Variants in KIF2C observed in about 807,000 individuals in gnomAD.
KIF2C encodes kinesin family member 2C.
Under a neutral mutation model 97.4 loss-of-function variants are expected in KIF2C, and 34 were observed. The observed-to-expected ratio is 0.35, with a 90% confidence interval of 0.27 to 0.46. The LOEUF (loss-of-function observed/expected upper bound fraction) is 0.46, where lower values mean the gene tolerates loss of function less well. KIF2C is among the 20% of genes least tolerant of loss of function. The probability of loss-of-function intolerance (pLI) is 1.00; values close to 1 mark genes in which losing one functional copy is unlikely to be tolerated. For synonymous variants in KIF2C, 313 were observed against 318.2 expected (o/e 0.98, Z 0.17); for missense variants, 750 against 907.6 (o/e 0.83, Z 2.23).
intron 2 of KIF2C, among the ~76,000 whole-genome samples, chr1:44,745,246 G>A (rs1649124045): frequency 6.6e-6 from 1 of 151,754 alleles, no homozygotes; most frequent in Admixed American, 6.6e-5. Flanking sequence ...GTAGTTTAGG[G>A]GTTAGAAATG....
chr1:44,762,047 G>C (rs1650171731), intron 17 of KIF2C, 64 bp downstream of exon 17: 4 of 1,441,556 alleles, frequency 2.8e-6, no homozygotes, highest in Non-Finnish European at 3.9e-6. Flanking sequence ...GCAGTGATGA[G>C]AGGGGAGGAG....
At chr1:44,753,054 A>G in intron 5 of KIF2C, 78 bp from the exon 6 acceptor site, 1 of 1,531,838 alleles carries the variant, frequency 6.5e-7, no homozygotes, top group Non-Finnish European at 8.8e-7. Flanking sequence ...CTCCCGGCCC[A>G]TAACCAGGGC....
Position 44,753,271 on chromosome 1 carries a change from G to C in KIF2C, c.562+17G>C. The C allele has an allele frequency of 6.2e-7, 1 of 1,605,080 alleles. No individual in the cohort carries two copies. Among genetic ancestry groups the C allele is most frequent in the Non-Finnish European group, 8.5e-7 (1 of 1,173,432 alleles). On this transcript the variant is annotated intron_variant, in intron 6 of 20. Transcript: ENST00000372224. ...TGAACTCAGGTAGACACACTGAGCTGTCTGCTGTTCTGCTTCTAGTGAGGC... is the reference window on the plus strand; with the variant it reads ...TGAACTCAGGTAGACACACTGAGCTCTCTGCTGTTCTGCTTCTAGTGAGGC...
chr1:44,762,179 G>A (rs41269067), intron 17 of KIF2C, 167 bp from the exon 18 acceptor site: 1 of 848,998 alleles, frequency 1.2e-6, no homozygotes, highest in East Asian at 2.5e-5. Context: ...AGTCAGCTGG[G>A]TGAGGGGCTT....
chr1:44,766,865 C>T lies in KIF2C; in HGVS notation c.2011C>T (p.Gln671Ter). 1.2e-6 allele frequency: 2 copies of T among 1,614,234 alleles called. No homozygotes were observed. The highest frequency in any genetic ancestry group is 1.7e-6 in the Non-Finnish European group (2 of 1,180,022). Residue 671 changes from glutamine (Q) to a stop codon, truncating the protein, a stop_gained, in exon 20 of 21, where the codon CAG becomes TAG. Transcript: ENST00000372224. LOFTEE classifies it high-confidence loss of function. ...GCTTGAGCTCTCTGAGATGACCGAG[C>T]AGCCAGACTATGACCTGGAGACCTT... is the stretch of plus-strand genomic sequence containing the variant. The part of the protein sequence containing the change: ...DWLELSEMTE[Q>*]PDYDLETFVN...
chr1:44,750,645 GA>G, intron 5 of KIF2C, 81 bp downstream of exon 5: 2 of 1,332,116 alleles, frequency 1.5e-6, no homozygotes, highest in Non-Finnish European at 1.9e-6. Context: ...AATATCCTGA[GA>G]TTCATCCATT....
intron 7 of KIF2C, 125 bp downstream of exon 7, chr1:44,753,958 C>CTTT (rs34685023): frequency 0.011 from 717 of 67,886 alleles, 179 homozygotes; most frequent in African/African-American, 0.058. Context: ...GGCCCCAATT[C>CTTT]TTTTTTTTTT....
In KIF2C at chr1:44,753,789, G is replaced by C. The variant is rs1396730417; in HGVS notation, c.619G>C (p.Glu207Gln). Residue 207 changes from glutamate (E) to glutamine (Q), a missense_variant, in exon 7 of 21, where the codon GAG becomes CAG. Glu to Gln is a conservative substitution (Grantham distance 29, BLOSUM62 2). Coordinates refer to ENST00000372224, the MANE Select transcript of KIF2C (RefSeq NM_006845.4). The stretch of plus-strand genomic sequence containing the variant: ...GGAAAAAATGAAGAACAAGCGAGAA[G>C]AGAAGAAGGCCCAGAACTCTGAAAT... The part of the protein sequence containing the change: ...EVEKMKNKRE[E>Q]KKAQNSEMRM... 1 of 1,612,516 alleles carries C rather than the reference G, an allele frequency of 6.2e-7. No homozygotes were observed. Among genetic ancestry groups the C allele is most frequent in the African/African-American group, 1.3e-5 (1 of 74,650 alleles).
At chr1:44,750,300 C>G (rs1649439226) in intron 4 of KIF2C, 142 bp from the exon 5 acceptor site, 5 of 893,626 alleles carry the variant, frequency 5.6e-6, no homozygotes, top group Middle Eastern at 8.1e-4. Flanking sequence ...CTAATTTTTC[C>G]TTTCTAAGGA....
At chr1:44,766,099 G>A (rs752648005) in intron 19 of KIF2C, among the ~76,000 whole-genome samples, 4 of 149,836 alleles carry the variant, frequency 2.7e-5, no homozygotes, top group Non-Finnish European at 5.9e-5. Context: ...GGTGGTGTGT[G>A]CCTGTAGTCC....
At chr1:44,746,831 G>T (rs529977863) in intron 2 of KIF2C, 1 of 1,471,310 alleles carries the variant, frequency 6.8e-7, no homozygotes, top group South Asian at 1.2e-5. Flanking sequence ...AGTTGGTAAA[G>T]TTTGAATTTA....
At chr1:44,740,079 A>G in intron 1 of KIF2C, 77 bp downstream of exon 1, 1 of 1,510,114 alleles carries the variant, frequency 6.6e-7, no homozygotes, top group Non-Finnish European at 9.2e-7. Flanking sequence ...CCCCGGACAC[A>G]CAGATGGGCT....
chr1:44,746,909 G>C (rs1649229161), intron 2 of KIF2C: 15 of 900,460 alleles, frequency 1.7e-5, no homozygotes, highest in Non-Finnish European at 2.5e-5. Flanking sequence ...TTTGTTTTTT[G>C]TTTTTTGAGA....
chr1:44,748,968 C>T (rs761524864), intron 4 of KIF2C, among the ~76,000 whole-genome samples: 6 of 152,078 alleles, frequency 3.9e-5, no homozygotes, highest in Non-Finnish European at 8.8e-5. Context: ...GCACACACCA[C>T]CATGCCCAGC....
chr1:44,766,705 G>A (rs918165091), intron 19 of KIF2C, 121 bp from the exon 20 acceptor site: 48 of 1,036,508 alleles, frequency 4.6e-5, no homozygotes, highest in Non-Finnish European at 6.5e-5. Context: ...GAACAGCCAG[G>A]GTATGGGTCA....
At chr1:44,748,852 C>A (rs988909578) in intron 4 of KIF2C, among the ~76,000 whole-genome samples, 1 of 151,484 alleles carries the variant, frequency 6.6e-6, no homozygotes, top group African/African-American at 2.4e-5. Context: ...CAGCCAATAG[C>A]TTTTTTTCTT....
chr1:44,747,492 G>T lies in KIF2C; in HGVS notation c.267+7G>T. ...GGAAAATGTAACAATCCAGGTAGGT[G>T]CCTGTCATCTGGCTGCAGCCAGTGC... On this transcript the variant is annotated splice_region_variant and intron_variant, in intron 3 of 20. Transcript: ENST00000372224. 14 of 1,602,094 alleles carry T rather than the reference G, an allele frequency of 8.7e-6. No individual in the cohort carries two copies. The highest frequency in any genetic ancestry group is 1.2e-5 in the Non-Finnish European group (14 of 1,175,636).
chr1:44,757,676 C>G (rs1304121113), intron 11 of KIF2C, 30 bp downstream of exon 11: 1 of 1,492,180 alleles, frequency 6.7e-7, no homozygotes, highest in South Asian at 1.1e-5. Flanking sequence ...GGGGAAAGAG[C>G]CTTTCCCTTG....
At chr1:44,754,561 C>T (rs997069937) in intron 7 of KIF2C, among the ~76,000 whole-genome samples, 189 bp from the exon 8 acceptor site, 7 of 152,170 alleles carry the variant, frequency 4.6e-5, no homozygotes, top group Non-Finnish European at 8.8e-5. Flanking sequence ...CGTGCTTTGG[C>T]GTATGCTTAG....
Sources: allele counts gnomAD v4.1 joint callset (sites outside exome capture counted in the v4.1 genomes callset), GRCh38; gene constraint gnomAD v4.1.1; transcripts MANE v1.5; gene names NCBI Gene and HGNC (gene_info 2026-07-23, HGNC 2026-07-21).